SCN9A: variants seen among roughly 807,000 people sequenced by gnomAD.
SCN9A encodes sodium voltage-gated channel alpha subunit 9.
A neutral mutation model predicts 187.0 loss-of-function variants in SCN9A; 131 were observed. The observed-to-expected ratio is 0.70, with a 90% CI of 0.61 to 0.81. The LOEUF (loss-of-function observed/expected upper bound fraction) is 0.81, where lower values mean the gene tolerates loss of function less well. Among genes scored for constraint, SCN9A ranks in the 30% least tolerant of loss-of-function variants. The pLI is 0.00. For synonymous variants in SCN9A, 809 were observed against 808.6 expected, an observed-to-expected ratio of 1.00 and a Z score of -0.01; for missense variants, 2,252 against 2,396.6, an observed-to-expected ratio of 0.94 and a Z score of 1.26.
chr2:166,205,754 A>G (rs1000901494), intron 24 of SCN9A, among the ~76,000 whole-genome samples: 1 of 151,924 alleles, frequency 6.6e-6, no homozygotes, highest in African/African-American at 2.4e-5. Context: ...AATTTTTGCA[A>G]TTTATCCATC....
At chr2:166,333,844 C>G (rs372088334) in intron 1 of SCN9A, among the ~76,000 whole-genome samples, 20 of 151,940 alleles carry the variant, frequency 1.3e-4, no homozygotes, top group African/African-American at 4.6e-4. Flanking sequence ...AAATAATTAT[C>G]CACTTCAATA....
Position 166,272,828 on chromosome 2 carries a change from G to T in SCN9A, c.2922C>A (p.Asp974Glu), listed in dbSNP as rs368691761. The part of the protein sequence containing the change: ...LALLLSSFSS[D>E]NLTAIEEDPD... ...GGTCTTCTTCAATTGCTGTAAGATT[G>T]TCTGAACTAAATGAGCTCAATAATA... Residue 974 changes from aspartate (D) to glutamate (E), a missense_variant, in exon 17 of 27, where the codon GAC becomes GAA. Coordinates refer to ENST00000642356, the MANE Select transcript of SCN9A (RefSeq NM_001365536.1). 7.9e-6 allele frequency: 12 copies of T among 1,516,148 alleles called. No individual in the cohort carries two copies. Among genetic ancestry groups the T allele is most frequent in the Non-Finnish European group, 8.8e-7 (1 of 1,136,148 alleles). 93.9% of individuals were successfully genotyped at this position (1,516,148 alleles called of 1,614,324 possible).
intron 21 of SCN9A, among the ~76,000 whole-genome samples, chr2:166,230,269 T>C (rs994881178): frequency 1.3e-5 from 2 of 152,122 alleles, no homozygotes; most frequent in Admixed American, 1.3e-4. Context: ...AGAGGTTTCC[T>C]GGGGGCATGA....
At chr2:166,225,791 T>A (rs372590540) in intron 24 of SCN9A, among the ~76,000 whole-genome samples, 1 of 152,134 alleles carries the variant, frequency 6.6e-6, no homozygotes, top group African/African-American at 2.4e-5. Context: ...AAATGGCATG[T>A]CACTATAATG....
chr2:166,305,867 C>A lies in SCN9A; in HGVS notation c.521G>T (p.Arg174Ile). The A allele has an allele frequency of 6.2e-7, 1 of 1,613,320 alleles. No individual in the cohort carries two copies. Among genetic ancestry groups the A allele is most frequent in the Non-Finnish European group, 8.5e-7 (1 of 1,179,542 alleles). Residue 174 changes from arginine to isoleucine, a missense_variant, in exon 5 of 27, where the codon AGA (arginine) becomes ATA (isoleucine). Physicochemically the swap from Arg to Ile is moderately conservative, Grantham distance 97. Transcript: ENST00000642356. Reference protein sequence around the residue: ...TFESLVKILARGFCVGEFTFL... With the variant: ...TFESLVKILAIGFCVGEFTFL... ...AGTGAATTCTCCTACACAGAAGCCT[C>A]TTGCAAGGATTTTTACAAGTGATTC...
At chr2:166,207,428 T>TTTG (rs61122536) in intron 24 of SCN9A, among the ~76,000 whole-genome samples, 4,266 of 150,012 alleles carry the variant, frequency 0.028, 189 homozygotes, top group African/African-American at 0.092. Flanking sequence ...TTAGAGTGTT[T>TTTG]TTGTTGTTGT....
At chr2:166,343,295 G>A (rs1159044184) in intron 1 of SCN9A, among the ~76,000 whole-genome samples, 1 of 151,808 alleles carries the variant, frequency 6.6e-6, no homozygotes, top group African/African-American at 2.4e-5. Context: ...AAGCTTTTAG[G>A]AGACTTTACA....
intron 1 of SCN9A, among the ~76,000 whole-genome samples, chr2:166,338,755 A>G (rs907704977): frequency 1.1e-4 from 16 of 152,102 alleles, no homozygotes; most frequent in Admixed American, 5.9e-4. Context: ...TGACCTGACA[A>G]TTGGGCAGAA....
intron 1 of SCN9A, among the ~76,000 whole-genome samples, chr2:166,319,595 CA>C (rs1432773800): frequency 2.0e-5 from 3 of 151,992 alleles, no homozygotes; most frequent in Non-Finnish European, 2.9e-5. Context: ...TCCTCTAGAT[CA>C]AACCATGTTA....
intron 24 of SCN9A, among the ~76,000 whole-genome samples, chr2:166,220,505 A>G (rs1694536767): frequency 6.6e-6 from 1 of 152,150 alleles, no homozygotes; most frequent in Non-Finnish European, 1.5e-5. Flanking sequence ...ACCTTACAGC[A>G]TGTTATGACA....
intron 7 of SCN9A, among the ~76,000 whole-genome samples, chr2:166,299,168 T>A (rs1365625938): frequency 1.3e-5 from 2 of 151,410 alleles, no homozygotes; most frequent in African/African-American, 2.5e-5. Context: ...TAACTACTCA[T>A]TCATTATCAC....
intron 8 of SCN9A, 90 bp downstream of exon 8, chr2:166,294,509 A>T: frequency 1.2e-6 from 1 of 853,382 alleles, no homozygotes; most frequent in Non-Finnish European, 1.9e-6. Flanking sequence ...AAAAAGCAAT[A>T]TAGAATCAAA....
chr2:166,351,039 G>T (rs1881436), intron 1 of SCN9A, among the ~76,000 whole-genome samples: 3 of 151,842 alleles, frequency 2.0e-5, no homozygotes, highest in Admixed American at 2.0e-4. Flanking sequence ...AAGCACAGAC[G>T]CACACACAGA....
rs140938420 is a variant in SCN9A, at chr2:166,273,721, C to G, written c.2875-846G>C. Among the ~76,000 whole-genome samples, 242 of 151,346 alleles carry G rather than the reference C, an allele frequency of 1.6e-3. 1 individual carries two copies. The highest frequency in any genetic ancestry group is 5.5e-3 in the African/African-American group (229 of 41,304). ...ATGTAAATTGTAAATTATATTTAAACATTGTTTTATCCAGGAAACAAAAAA... is the reference window on the plus strand; with the variant it reads ...ATGTAAATTGTAAATTATATTTAAAGATTGTTTTATCCAGGAAACAAAAAA... On this transcript the variant is annotated intron_variant, in intron 16 of 26. Coordinates refer to ENST00000642356, the MANE Select transcript of SCN9A (RefSeq NM_001365536.1).
chr2:166,374,622 T>G (rs774274995), intron 1 of SCN9A, among the ~76,000 whole-genome samples: 4 of 152,078 alleles, frequency 2.6e-5, no homozygotes, highest in Non-Finnish European at 4.4e-5. Flanking sequence ...TTTATATTGA[T>G]GTTAAAGCAA....
chr2:166,253,045 T>C (rs1696114453), intron 17 of SCN9A, among the ~76,000 whole-genome samples: 2 of 152,036 alleles, frequency 1.3e-5, no homozygotes, highest in African/African-American at 4.8e-5. Flanking sequence ...TTCAGATAAA[T>C]TGATTCTCAA....
At position 166,307,738 on chromosome 2, in the gene SCN9A, T is replaced by A. The variant is rs147236226; in HGVS notation, c.259-664A>T. 2.0e-5 allele frequency among the ~76,000 whole-genome samples: 3 copies of A among 152,336 alleles called. No individual in the cohort carries two copies. The East Asian group carries it at 5.8e-4, about 29-fold the overall frequency. On this transcript the variant is annotated intron_variant, in intron 2 of 26. Coordinates refer to ENST00000642356, the MANE Select transcript of SCN9A (RefSeq NM_001365536.1). ...AATAGAAGCAAACATTCTTGAAATG[T>A]TATTGTAGCCATTCCATAAGTGTCC...
At chr2:166,247,207 A>G (rs1558980490) in intron 18 of SCN9A, among the ~76,000 whole-genome samples, 1 of 150,238 alleles carries the variant, frequency 6.7e-6, no homozygotes, top group Non-Finnish European at 1.5e-5. Context: ...GAAACCACTG[A>G]CCACTTCAAA....
In SCN9A at chr2:166,198,749, G is replaced by T; in HGVS notation, c.5890C>A (p.Pro1964Thr). The T allele has an allele frequency of 1.9e-6, 3 of 1,613,230 alleles. No individual in the cohort carries two copies. Among genetic ancestry groups the T allele is most frequent in the Non-Finnish European group, 2.5e-6 (3 of 1,179,620 alleles). The change falls in exon 27 of 27, where the codon CCA (proline) becomes ACA (threonine). Residue 1964 changes from proline to threonine, a missense_variant. Coordinates refer to ENST00000642356, the MANE Select transcript of SCN9A (RefSeq NM_001365536.1). ...SPPSYDSVTK[P>T]DKEKYEQDRT... ...TCTTGTTCATATTTCTCTTTGTCTG[G>T]CTTTGTTACACTATCATATGAAGGT...
Sources: gnomAD v4.1 joint callset for allele counts (sites outside exome capture counted in the v4.1 genomes callset) on GRCh38, gnomAD v4.1.1 for gene constraint, MANE v1.5 for transcripts, NCBI Gene and HGNC (gene_info 2026-07-23, HGNC 2026-07-21) for gene names.